The following RANBP2 variants were observed in gnomAD, a reference collection of about 807,000 sequenced individuals.
RANBP2 encodes the protein RAN binding protein 2.
In RANBP2, 57 loss-of-function variants were observed where a neutral mutation model predicts 303.6. The observed-to-expected ratio is 0.19, with a 90% CI of 0.15 to 0.23. The LOEUF (loss-of-function observed/expected upper bound fraction) is 0.23, where lower values mean the gene tolerates loss of function less well. Among genes scored for constraint, RANBP2 ranks in the 10% least tolerant of loss-of-function variants. The pLI, the probability that RANBP2 is intolerant of heterozygous loss-of-function variation, is 1.00. For synonymous variants in RANBP2, 1,167 were observed against 1,301.5 expected, an observed-to-expected ratio of 0.90 and a Z score of 2.23; for missense variants, 3,138 against 3,780.8, an observed-to-expected ratio of 0.83 and a Z score of 4.46.
chr2:109,273,799 A>G, the RANBP2 span, among the ~76,000 whole-genome samples: 1 of 152,110 alleles, frequency 6.6e-6, no homozygotes, highest in East Asian at 1.9e-4. Flanking sequence ...TGAAATCCAG[A>G]TATGCTGCTT....
the RANBP2 span, among the ~76,000 whole-genome samples, chr2:109,078,581 G>A: frequency 6.7e-6 from 1 of 149,430 alleles, no homozygotes; most frequent in Non-Finnish European, 1.5e-5. Flanking sequence ...GGGTGGATAA[G>A]TTCTAGGGGT....
chr2:109,157,561 T>G, the RANBP2 span, among the ~76,000 whole-genome samples: 1 of 152,232 alleles, frequency 6.6e-6, no homozygotes, highest in Non-Finnish European at 1.5e-5. Flanking sequence ...GAAAAAGATT[T>G]CCTTGGTCTC....
the RANBP2 span, among the ~76,000 whole-genome samples, chr2:109,416,904 CA>C: frequency 0.11 from 7,197 of 64,390 alleles, 247 homozygotes; most frequent in African/African-American, 0.22. Context: ...GACTTCATCT[CA>C]AAAAAAAAAA....
chr2:109,441,749 ACAAT>A, the RANBP2 span, among the ~76,000 whole-genome samples: 1,989 of 152,346 alleles, frequency 0.013, 53 homozygotes, highest in African/African-American at 0.046. Flanking sequence ...AAGGCAAATC[ACAAT>A]CAAACTGTTC....
chr2:109,556,221 T>C, the RANBP2 span, among the ~76,000 whole-genome samples: 2 of 152,234 alleles, frequency 1.3e-5, no homozygotes, highest in Admixed American at 6.5e-5. Flanking sequence ...CCTTCTTATA[T>C]GTCAGAAACA....
the RANBP2 span, among the ~76,000 whole-genome samples, chr2:109,082,505 T>C: frequency 2.5e-3 from 385 of 152,232 alleles, 4 homozygotes; most frequent in African/African-American, 8.8e-3. Context: ...TTCACCATGC[T>C]GGACAGGCTA....
At chr2:109,029,335 A>G in the RANBP2 span, among the ~76,000 whole-genome samples, 1 of 152,068 alleles carries the variant, frequency 6.6e-6, no homozygotes. Flanking sequence ...CCATAAAGCT[A>G]GTAAAGCATC....
chr2:109,116,303 C>T, the RANBP2 span, among the ~76,000 whole-genome samples: 1 of 152,216 alleles, frequency 6.6e-6, no homozygotes, highest in African/African-American at 2.4e-5. Context: ...CACATAGTTC[C>T]ATATTTCTTG....
At chr2:109,491,131 A>T in the RANBP2 span, among the ~76,000 whole-genome samples, 1 of 152,200 alleles carries the variant, frequency 6.6e-6, no homozygotes, top group East Asian at 1.9e-4. Context: ...CTGGAGTGTT[A>T]TTTCATGTTC....
chr2:109,599,155 A>C, the RANBP2 span, among the ~76,000 whole-genome samples: 8 of 151,548 alleles, frequency 5.3e-5, no homozygotes, highest in Admixed American at 5.3e-4. Flanking sequence ...TACAACCCAG[A>C]AAAAAAAGAA....
chr2:109,062,594 C>T, the RANBP2 span, among the ~76,000 whole-genome samples: 3 of 152,122 alleles, frequency 2.0e-5, no homozygotes, highest in Admixed American at 2.0e-4. Context: ...CCCCAAAGCC[C>T]CTATTCAGGT....
the RANBP2 span, among the ~76,000 whole-genome samples, chr2:109,491,734 A>C: frequency 1.3e-5 from 2 of 152,188 alleles, no homozygotes. Flanking sequence ...GGATGGTAGA[A>C]AGATATGATC....
chr2:109,738,201 T>C, the RANBP2 span, among the ~76,000 whole-genome samples: 4 of 152,166 alleles, frequency 2.6e-5, no homozygotes, highest in African/African-American at 9.7e-5. Flanking sequence ...TCCAGTAGTT[T>C]TGTAGTTTTG....
intron 7 of RANBP2, among the ~76,000 whole-genome samples, chr2:108,746,208 CTTTTTT>C (rs35544546): frequency 5.5e-5 from 5 of 90,566 alleles, no homozygotes; most frequent in Non-Finnish European, 1.0e-4. Flanking sequence ...ATGTCTGGCC[CTTTTTT>C]TTTTTTTTTT....
At chr2:109,400,572 T>TACACAC in the RANBP2 span, among the ~76,000 whole-genome samples, 1 of 111,388 alleles carries the variant, frequency 9.0e-6, no homozygotes, top group Non-Finnish European at 2.2e-5. Flanking sequence ...TACACACCTG[T>TACACAC]GCGCACACAC....
chr2:109,222,835 C>T, the RANBP2 span, among the ~76,000 whole-genome samples: 1 of 152,272 alleles, frequency 6.6e-6, no homozygotes, highest in Non-Finnish European at 1.5e-5. Context: ...TTTTCCAGTT[C>T]TCAGCCAGCA....
chr2:109,049,175 G>A, the RANBP2 span, among the ~76,000 whole-genome samples: 1 of 152,196 alleles, frequency 6.6e-6, no homozygotes, highest in Non-Finnish European at 1.5e-5. Context: ...TTACAGGAAG[G>A]TCCTGGAGTT....
chr2:108,970,545 C>A, the RANBP2 span, among the ~76,000 whole-genome samples: 1 of 151,996 alleles, frequency 6.6e-6, no homozygotes, highest in Admixed American at 6.6e-5. Context: ...GGGAGCCTGA[C>A]TGGGCAGGGA....
chr2:108,951,595 T>G, the RANBP2 span, among the ~76,000 whole-genome samples: 1 of 152,140 alleles, frequency 6.6e-6, no homozygotes, highest in African/African-American at 2.4e-5. Flanking sequence ...GGCACAGGGA[T>G]AAAGGTGATA....
Sources: gnomAD v4.1 joint callset for allele counts (sites outside exome capture counted in the v4.1 genomes callset) on GRCh38, gnomAD v4.1.1 for gene constraint, MANE v1.5 for transcripts, NCBI Gene and HGNC (gene_info 2026-07-23, HGNC 2026-07-21) for gene names.